The following PRKCE variants were observed in gnomAD, a reference collection of about 807,000 sequenced individuals.
PRKCE encodes the protein protein kinase C epsilon.
Under a neutral mutation model 85.4 loss-of-function variants are expected in PRKCE, and 16 were observed. The ratio of observed to expected loss-of-function variants is 0.19; its 90% CI spans 0.13 to 0.28. The LOEUF (loss-of-function observed/expected upper bound fraction) is 0.28, where lower values mean the gene tolerates loss of function less well. Among genes scored for constraint, PRKCE ranks in the 10% least tolerant of loss-of-function variants. The pLI, the probability that PRKCE is intolerant of heterozygous loss-of-function variation, is 1.00. For synonymous variants in PRKCE, 388 were observed against 371.5 expected, an observed-to-expected ratio of 1.04 and a Z score of -0.51; for missense variants, 573 against 975.2, an observed-to-expected ratio of 0.59 and a Z score of 5.49.
chr2:45,983,786 T>G (rs1703084350), intron 5 of PRKCE, among the ~76,000 whole-genome samples: 1 of 152,140 alleles, frequency 6.6e-6, no homozygotes, highest in Non-Finnish European at 1.5e-5. Context: ...ATCTTCCTCC[T>G]AATTGTTGTC....
At chr2:45,749,891 C>T (rs1172704617) in intron 1 of PRKCE, among the ~76,000 whole-genome samples, 1 of 152,198 alleles carries the variant, frequency 6.6e-6, no homozygotes, top group Non-Finnish European at 1.5e-5. Context: ...TCCTGGCTCA[C>T]ACATAACATT....
intron 2 of PRKCE, among the ~76,000 whole-genome samples, chr2:45,961,884 G>A (rs535302197): frequency 2.0e-5 from 3 of 152,158 alleles, no homozygotes; most frequent in South Asian, 2.1e-4. Context: ...TAGTAGAGAC[G>A]GGGTTTCTCC....
chr2:45,928,586 T>C (rs1020675084), intron 2 of PRKCE, among the ~76,000 whole-genome samples: 3 of 152,218 alleles, frequency 2.0e-5, no homozygotes, highest in African/African-American at 7.2e-5. Flanking sequence ...TTTACACTTC[T>C]CTGGACGTAC....
intron 13 of PRKCE, 22 bp downstream of exon 13, chr2:46,151,251 A>G (rs1676589834): frequency 2.5e-6 from 4 of 1,577,384 alleles, no homozygotes; most frequent in Non-Finnish European, 3.4e-6. Context: ...CCCCTCACCC[A>G]TGGCTGTGCT....
intron 11 of PRKCE, among the ~76,000 whole-genome samples, chr2:46,110,328 CT>C (rs1672132802): frequency 6.6e-6 from 1 of 152,010 alleles, no homozygotes. Context: ...CTTATACTTT[CT>C]TTTTTGGGGG....
At chr2:45,862,040 G>A (rs765869047) in intron 2 of PRKCE, among the ~76,000 whole-genome samples, 5 of 152,040 alleles carry the variant, frequency 3.3e-5, no homozygotes, top group Non-Finnish European at 4.4e-5. Context: ...TGGAGATGGG[G>A]ACCAAGGGAC....
intron 8 of PRKCE, among the ~76,000 whole-genome samples, chr2:46,006,054 A>T (rs1386451119): frequency 6.6e-6 from 1 of 152,182 alleles, no homozygotes; most frequent in East Asian, 1.9e-4. Context: ...CATTGGATGG[A>T]TACAGTGGCA....
intron 2 of PRKCE, among the ~76,000 whole-genome samples, chr2:45,903,470 G>A (rs1041217696): frequency 1.4e-4 from 21 of 152,282 alleles, no homozygotes; most frequent in South Asian, 4.2e-4. Flanking sequence ...AGATGAGGCC[G>A]AAAGACCCAG....
At chr2:45,736,836 G>T (rs1161939363) in intron 1 of PRKCE, among the ~76,000 whole-genome samples, 1 of 152,212 alleles carries the variant, frequency 6.6e-6, no homozygotes, top group African/African-American at 2.4e-5. Flanking sequence ...TGTGGATTCT[G>T]CATCCTCAGA....
At chr2:45,931,845 T>TACAGGCACCTGCTGCCACA (rs1200029356) in intron 2 of PRKCE, among the ~76,000 whole-genome samples, 4 of 152,106 alleles carry the variant, frequency 2.6e-5, no homozygotes, top group African/African-American at 9.7e-5. Context: ...TAGCTGGGAC[T>TACAGGCACCTGCTGCCACA]ACAGGCACCT....
At chr2:45,998,319 T>C (rs989720195) in intron 6 of PRKCE, among the ~76,000 whole-genome samples, 16 of 152,228 alleles carry the variant, frequency 1.1e-4, no homozygotes. Flanking sequence ...TGTTTCTCCT[T>C]GTAGTACCAT....
At chr2:45,993,207 TC>T (rs1457739123) in intron 6 of PRKCE, among the ~76,000 whole-genome samples, 2 of 152,224 alleles carry the variant, frequency 1.3e-5, no homozygotes, top group African/African-American at 4.8e-5. Flanking sequence ...ATCTCAGGTT[TC>T]TTTTGGTTCC....
chr2:45,879,056 T>A (rs1694688096), intron 2 of PRKCE, among the ~76,000 whole-genome samples: 1 of 152,168 alleles, frequency 6.6e-6, no homozygotes, highest in Admixed American at 6.5e-5. Context: ...AGTGAGAACT[T>A]TACATCCTCG....
At chr2:45,761,150 AC>A (rs1262094892) in intron 1 of PRKCE, among the ~76,000 whole-genome samples, 1 of 152,012 alleles carries the variant, frequency 6.6e-6, no homozygotes, top group Non-Finnish European at 1.5e-5. Context: ...ACACGGTGAA[AC>A]CTCGTCTCTA....
intron 2 of PRKCE, among the ~76,000 whole-genome samples, chr2:45,884,307 A>C (rs978786028): frequency 6.6e-6 from 1 of 152,198 alleles, no homozygotes; most frequent in Non-Finnish European, 1.5e-5. Flanking sequence ...TCACTTGTTG[A>C]AAGGATGCCT....
chr2:45,918,992 T>C (rs1698046614), intron 2 of PRKCE, among the ~76,000 whole-genome samples: 1 of 152,200 alleles, frequency 6.6e-6, no homozygotes, highest in Admixed American at 6.5e-5. Context: ...GGCCAGGGTA[T>C]GCCAGCTGGG....
At chr2:46,012,605 T>A (rs1232363999) in intron 10 of PRKCE, among the ~76,000 whole-genome samples, 1 of 152,102 alleles carries the variant, frequency 6.6e-6, no homozygotes, top group Non-Finnish European at 1.5e-5. Context: ...CTCTGGCAAG[T>A]TTTCTTTACA....
chr2:45,993,003 C>A (rs574345043), intron 6 of PRKCE, among the ~76,000 whole-genome samples: 6 of 152,180 alleles, frequency 3.9e-5, no homozygotes, highest in African/African-American at 1.4e-4. Flanking sequence ...TATTTCTTCC[C>A]GGTACAACTT....
At chr2:45,704,887 T>G (rs1223414968) in intron 1 of PRKCE, among the ~76,000 whole-genome samples, 3 of 152,220 alleles carry the variant, frequency 2.0e-5, no homozygotes, top group Non-Finnish European at 4.4e-5. Flanking sequence ...GTCATGAGAA[T>G]AGTCTTGACC....
Sources: gnomAD v4.1 joint callset for allele counts (sites outside exome capture counted in the v4.1 genomes callset) on GRCh38, gnomAD v4.1.1 for gene constraint, MANE v1.5 for transcripts, NCBI Gene and HGNC (gene_info 2026-07-23, HGNC 2026-07-21) for gene names.